Variants in TJP1 observed in about 807,000 individuals in gnomAD.
The protein encoded by TJP1 is tight junction protein 1, also known as tight junction protein ZO-1.
TJP1 carries 43 observed loss-of-function variants against 194.2 expected under a neutral mutation model. The observed-to-expected ratio is 0.22, with a 90% confidence interval of 0.17 to 0.29. The LOEUF (loss-of-function observed/expected upper bound fraction) is 0.29, where lower values mean the gene tolerates loss of function less well. Among genes scored for constraint, TJP1 ranks in the 10% least tolerant of loss-of-function variants. The pLI is 1.00. For missense variants in TJP1, 1,971 were observed against 2,185.7 expected, an observed-to-expected ratio of 0.90 and a Z score of 1.96; for synonymous variants, 801 against 779.0, an observed-to-expected ratio of 1.03 and a Z score of -0.47.
chr15:29,798,270 G>GT (rs59427685), intron 2 of TJP1, among the ~76,000 whole-genome samples: 24 of 144,768 alleles, frequency 1.7e-4, no homozygotes, highest in African/African-American at 4.8e-4. Flanking sequence ...TGTGCCCAGC[G>GT]TTTTTTTTTT....
chr15:29,910,758 T>A (rs945183869), intron 2 of TJP1, among the ~76,000 whole-genome samples: 1 of 152,150 alleles, frequency 6.6e-6, no homozygotes, highest in East Asian at 1.9e-4. Context: ...AGTAATCACC[T>A]CCTCTCCTAA....
chr15:29,821,964 C>A (rs2050404128), intron 1 of TJP1, 38 bp downstream of exon 1: 3 of 1,232,144 alleles, frequency 2.4e-6, no homozygotes, highest in South Asian at 7.5e-5. Flanking sequence ...CGGCGACGGT[C>A]GGCCCGGTCT....
intron 2 of TJP1, among the ~76,000 whole-genome samples, chr15:29,880,204 A>C (rs1293604876): frequency 6.6e-6 from 1 of 152,122 alleles, no homozygotes; most frequent in African/African-American, 2.4e-5. Flanking sequence ...TTGGTGTCTA[A>C]AACTGAAGCT....
intron 12 of TJP1, among the ~76,000 whole-genome samples, chr15:29,734,023 T>TA (rs1353271470): frequency 1.3e-5 from 2 of 152,180 alleles, no homozygotes; most frequent in African/African-American, 4.8e-5. Flanking sequence ...CTATCACTTG[T>TA]AAAGGGTTGG....
chr15:29,790,701 C>T (rs950571423), intron 2 of TJP1, among the ~76,000 whole-genome samples: 4 of 152,014 alleles, frequency 2.6e-5, no homozygotes, highest in African/African-American at 7.2e-5. Context: ...CCACCCTTCC[C>T]GGTCTCTGGT....
chr15:29,746,373 G>A (rs535966612), intron 8 of TJP1, among the ~76,000 whole-genome samples: 29 of 148,700 alleles, frequency 2.0e-4, no homozygotes, highest in African/African-American at 5.9e-4. Context: ...GTGAGACTCC[G>A]TCTCAAAAAA....
chr15:29,739,679 T>C (rs2044267019), intron 10 of TJP1, among the ~76,000 whole-genome samples: 1 of 152,052 alleles, frequency 6.6e-6, no homozygotes. Flanking sequence ...TCTCCTGACC[T>C]GGTGATCTGC....
chr15:29,717,955 C>G, intron 22 of TJP1, 66 bp downstream of exon 22: 1 of 1,387,426 alleles, frequency 7.2e-7, no homozygotes, highest in South Asian at 1.3e-5. Context: ...AAAAGGTTTT[C>G]TTATTGACTA....
intron 8 of TJP1, chr15:29,760,032 G>A (rs1595788764): frequency 2.0e-6 from 1 of 503,632 alleles, no homozygotes; most frequent in African/African-American, 2.0e-5. Flanking sequence ...AATTTTTTGA[G>A]GAACCTCCAT....
At chr15:29,769,150 G>A (rs930533110) in intron 4 of TJP1, among the ~76,000 whole-genome samples, 4 of 152,130 alleles carry the variant, frequency 2.6e-5, no homozygotes, top group African/African-American at 9.7e-5. Flanking sequence ...CTAATAATCT[G>A]ACTACAGAAA....
rs2042188349 is a variant in TJP1 at position 29,710,724 on chromosome 15, G to GTT, written c.4372+105_4372+106dup. The GTT allele has an allele frequency of 7.1e-5, 100 of 1,412,656 alleles. No individual in the cohort carries two copies. In the East Asian group the frequency reaches 2.3e-3, roughly 32 times the overall value. The allele number at this position is 1,412,656 out of a possible 1,614,324, so 87.5% of individuals were successfully genotyped here. On this transcript the variant is annotated intron_variant, in intron 24 of 27. Coordinates refer to ENST00000614355, the MANE Select transcript of TJP1 (RefSeq NM_001330239.4). ...AGTTTTTACTGTTCCCAGCCCAAAG[G>GTT]TTTCAAGCATGTATTTTTTAATGTA...
Position 29,708,688 on chromosome 15 carries a change from A to T in TJP1, c.4721T>A (p.Leu1574His). The T allele has an allele frequency of 6.2e-7, 1 of 1,614,228 alleles. No homozygotes were observed. The highest frequency in any genetic ancestry group is 8.5e-7 in the Non-Finnish European group (1 of 1,180,042). The change falls in exon 25 of 28, where the codon CTT becomes CAT. Residue 1574 changes from leucine to histidine, a missense_variant. By Grantham distance (99) the Leu-to-His change is moderately conservative (BLOSUM62 -3). Around this residue, in one of 5 missense-constraint regions of TJP1, gnomAD observed 1,108 missense variants for 1,128.5 expected, o/e 0.98. Coordinates refer to ENST00000614355, the MANE Select transcript of TJP1 (RefSeq NM_001330239.4). The stretch of plus-strand genomic sequence containing the variant: ...CTGTGCCAAACTGTGCGATTTCACA[A>T]GAGTTTTTGGAGAAGTGGGAGTTTT... ...SSKTPTSPKTLVKSHSLAQPP... is the reference protein window; with the variant it reads ...SSKTPTSPKTHVKSHSLAQPP...
In TJP1 at chr15:29,727,039, T is replaced by C. The variant is rs373030465; in HGVS notation, c.2101-48A>G. Reference sequence around the variant, plus strand: ...ATACAAAGACACAAGACATCATTAATTAAGAATCACCAAATTCAGCTGGGT... The same window carrying C: ...ATACAAAGACACAAGACATCATTAACTAAGAATCACCAAATTCAGCTGGGT... On this transcript the variant is annotated intron_variant, in intron 16 of 27. Transcript: ENST00000614355. 1.9e-6 allele frequency: 3 copies of C among 1,558,866 alleles called. No homozygotes were observed. In the African/African-American group the frequency reaches 4.1e-5, roughly 21 times the overall value.
intron 1 of TJP1, among the ~76,000 whole-genome samples, chr15:29,804,982 G>T (rs1028311521): frequency 2.0e-5 from 3 of 152,162 alleles, no homozygotes; most frequent in African/African-American, 7.2e-5. Context: ...GGAAATGGGT[G>T]AAATTATCTC....
chr15:29,802,915 A>G (rs1250470955), intron 1 of TJP1, among the ~76,000 whole-genome samples: 1 of 152,194 alleles, frequency 6.6e-6, no homozygotes, highest in Non-Finnish European at 1.5e-5. Flanking sequence ...GGTATGAAAC[A>G]GTTCATCATC....
chr15:29,813,503 T>A (rs976419838), intron 1 of TJP1, among the ~76,000 whole-genome samples: 4 of 152,224 alleles, frequency 2.6e-5, no homozygotes, highest in Admixed American at 2.0e-4. Flanking sequence ...GAGCTACAGT[T>A]CTCCACAACA....
At chr15:29,782,946 AACATCAGTAATC>A (rs2047463957) in intron 2 of TJP1, among the ~76,000 whole-genome samples, 1 of 151,886 alleles carries the variant, frequency 6.6e-6, no homozygotes, top group Non-Finnish European at 1.5e-5. Context: ...AAAAATGCTC[AACATCAGTAATC>A]ATCAGAGAAA....
At chr15:29,905,967 T>C (rs767191754) in intron 2 of TJP1, among the ~76,000 whole-genome samples, 1 of 152,176 alleles carries the variant, frequency 6.6e-6, no homozygotes, top group Non-Finnish European at 1.5e-5. Context: ...TCCAAATCCA[T>C]AGATTGCAGA....
At chr15:29,923,795 G>A (rs2054441944) in intron 2 of TJP1, among the ~76,000 whole-genome samples, 1 of 152,170 alleles carries the variant, frequency 6.6e-6, no homozygotes, top group Non-Finnish European at 1.5e-5. Flanking sequence ...TTAAATGAGT[G>A]CATTGTATGG....
Sources: gnomAD v4.1 joint callset for allele counts (sites outside exome capture counted in the v4.1 genomes callset) on GRCh38, gnomAD v4.1.1 for gene constraint, gnomAD v4.1.1 regional missense constraint, MANE v1.5 for transcripts, NCBI Gene and HGNC (gene_info 2026-07-23, HGNC 2026-07-21) for gene names.